AKT3: variants seen among roughly 807,000 people sequenced by gnomAD.
AKT3 encodes the protein RAC-gamma serine/threonine-protein kinase.
AKT3 carries 15 observed loss-of-function variants against 65.3 expected under a neutral mutation model. The observed-to-expected ratio is 0.23, with a 90% CI of 0.15 to 0.35. The LOEUF is 0.35. Among genes scored for constraint, AKT3 ranks in the 10% least tolerant of loss-of-function variants. The pLI, the probability that AKT3 is intolerant of heterozygous loss-of-function variation, is 1.00. For synonymous variants in AKT3, 206 were observed against 183.8 expected, an observed-to-expected ratio of 1.12 and a Z score of -0.98; for missense variants, 243 against 576.5, an observed-to-expected ratio of 0.42 and a Z score of 5.92.
At chr1:243,652,782 A>AAC (rs1216968591) in intron 4 of AKT3, among the ~76,000 whole-genome samples, 2 of 148,582 alleles carry the variant, frequency 1.3e-5, no homozygotes, top group Non-Finnish European at 3.0e-5. Flanking sequence ...AAAAAAAAAA[A>AAC]AAAAAAAAAA....
At chr1:243,570,341 T>C (rs897915735) in intron 9 of AKT3, among the ~76,000 whole-genome samples, 6 of 152,218 alleles carry the variant, frequency 3.9e-5, no homozygotes, top group Non-Finnish European at 7.3e-5. Flanking sequence ...AATCAGTTCA[T>C]GATAATGTTC....
intron 13 of AKT3, among the ~76,000 whole-genome samples, chr1:243,491,404 C>T (rs1268132694): frequency 1.3e-5 from 2 of 152,208 alleles, no homozygotes; most frequent in African/African-American, 4.8e-5. Flanking sequence ...ATCTCTAAAG[C>T]GGCCTTTCAG....
chr1:243,594,999 A>T (rs1676499227), intron 8 of AKT3, among the ~76,000 whole-genome samples: 1 of 152,250 alleles, frequency 6.6e-6, no homozygotes, highest in Admixed American at 6.5e-5. Flanking sequence ...ACAGACCTAT[A>T]CATGTAATAG....
chr1:243,766,613 CAA>C (rs900956808), intron 2 of AKT3, among the ~76,000 whole-genome samples: 4 of 152,100 alleles, frequency 2.6e-5, no homozygotes, highest in African/African-American at 9.7e-5. Context: ...CTCAGCCACT[CAA>C]GAGCTTGAAT....
chr1:243,753,737 C>G (rs1688954612), intron 2 of AKT3, among the ~76,000 whole-genome samples: 1 of 152,156 alleles, frequency 6.6e-6, no homozygotes, highest in Non-Finnish European at 1.5e-5. Flanking sequence ...TCTGCTATGT[C>G]AAACACAACT....
chr1:243,625,039 A>G, intron 6 of AKT3: 1 of 353,834 alleles, frequency 2.8e-6, no homozygotes, highest in Non-Finnish European at 5.9e-6. Flanking sequence ...TCCAGGTATT[A>G]CAGAAAGCCT....
At chr1:243,497,114 G>A (rs1026596839), downstream of AKT3, among the ~76,000 whole-genome samples, 2 of 152,194 alleles carry the variant, frequency 1.3e-5, no homozygotes, top group Admixed American at 1.3e-4. Context: ...TCACTGTGGT[G>A]TTGATGACAG....
intron 2 of AKT3, among the ~76,000 whole-genome samples, chr1:243,755,935 G>A (rs1306314608): frequency 6.6e-6 from 1 of 152,200 alleles, no homozygotes; most frequent in African/African-American, 2.4e-5. Context: ...GGGAAGCTAG[G>A]AGAAAAGGGT....
intron 2 of AKT3, among the ~76,000 whole-genome samples, chr1:243,787,309 T>G (rs574427474): frequency 1.1e-4 from 16 of 152,342 alleles, no homozygotes; most frequent in Middle Eastern, 3.4e-3. Flanking sequence ...ATGTTACCCA[T>G]GCACATTTTT....
chr1:243,850,264 C>CGGCCG (rs1255383543), upstream of AKT3: 9 of 132,888 alleles, frequency 6.8e-5, no homozygotes, highest in South Asian at 2.2e-4. Flanking sequence ...GGGAGGGAGC[C>CGGCCG]GGCCGGGCCG....
intron 2 of AKT3, among the ~76,000 whole-genome samples, chr1:243,751,548 AAG>A (rs1395610731): frequency 6.6e-6 from 1 of 152,072 alleles, no homozygotes; most frequent in African/African-American, 2.4e-5. Flanking sequence ...TAGTCTAGTG[AAG>A]AGAGAGTCAG....
At chr1:243,664,407 T>A (rs1572132490) in intron 4 of AKT3, among the ~76,000 whole-genome samples, 1 of 151,852 alleles carries the variant, frequency 6.6e-6, no homozygotes, top group Admixed American at 6.6e-5. Context: ...GGTTTCACCT[T>A]GTCAGCCAGG....
chr1:243,504,025 A>G lies in AKT3; in HGVS notation c.*1224T>C. 1 of 225,452 alleles carries G rather than the reference A, an allele frequency of 4.4e-6. No homozygotes were observed. Among genetic ancestry groups the G allele is most frequent in the Non-Finnish European group, 8.9e-6 (1 of 112,776 alleles). The allele number at this position is 225,452 out of a possible 1,614,324, so 14.0% of individuals were successfully genotyped here. On this transcript the variant is annotated 3_prime_UTR_variant, in exon 14 of 14. Coordinates refer to ENST00000673466, the MANE Select transcript of AKT3 (RefSeq NM_005465.7). The stretch of plus-strand genomic sequence containing the variant: ...CAGTACCAAGGGGTTAAATGGCAGC[A>G]TCTCTTCTCCCAAAGCCAAATTCTA...
chr1:243,554,611 C>A (rs981646020), intron 10 of AKT3, among the ~76,000 whole-genome samples: 4 of 152,088 alleles, frequency 2.6e-5, no homozygotes, highest in African/African-American at 7.2e-5. Flanking sequence ...TCAAGGATCT[C>A]GCTCATGGCC....
In AKT3 at chr1:243,715,681, C is replaced by T. The variant is rs183336719; in HGVS notation, c.47-19965G>A. 3.1e-4 allele frequency among the ~76,000 whole-genome samples: 47 copies of T among 151,482 alleles called. No homozygotes were observed. The East Asian group carries it at 6.6e-3, about 21-fold the overall frequency. On this transcript the variant is annotated intron_variant, in intron 2 of 13. Coordinates refer to ENST00000673466, the MANE Select transcript of AKT3 (RefSeq NM_005465.7). Reference sequence around the variant, plus strand: ...ATAATAACTCTTCTTGTTAAATAAACGAGGGAAAGAAAAAAAGTATTTTTA... The same window carrying T: ...ATAATAACTCTTCTTGTTAAATAAATGAGGGAAAGAAAAAAAGTATTTTTA...
intron 11 of AKT3, 66 bp from the exon 12 acceptor site, chr1:243,545,663 A>G (rs2148449499): frequency 8.5e-7 from 1 of 1,182,378 alleles, no homozygotes; most frequent in Non-Finnish European, 1.2e-6. Context: ...CATAACAAAA[A>G]ATATTTTGTG....
At chr1:243,583,540 C>CAAAAAAAAAAAAAAAAAAAAAAAA (rs1294857854) in intron 8 of AKT3, among the ~76,000 whole-genome samples, 1 of 30,004 alleles carries the variant, frequency 3.3e-5, no homozygotes, top group African/African-American at 1.0e-4. Context: ...AAGTAAGTCT[C>CAAAAAAAAAAAAAAAAAAAAAAAA]AAAAAAAAAA....
intron 2 of AKT3, among the ~76,000 whole-genome samples, chr1:243,745,437 A>T (rs1688423162): frequency 6.6e-6 from 1 of 152,228 alleles, no homozygotes; most frequent in Non-Finnish European, 1.5e-5. Context: ...TACTAAAAAC[A>T]TGTATGGATT....
At chr1:243,586,321 T>C (rs772985074) in intron 8 of AKT3, among the ~76,000 whole-genome samples, 2 of 150,026 alleles carry the variant, frequency 1.3e-5, no homozygotes, top group Non-Finnish European at 3.0e-5. Flanking sequence ...TCAGCCACTA[T>C]GGAAACCAAT....
Sources: allele counts gnomAD v4.1 joint callset (sites outside exome capture counted in the v4.1 genomes callset), GRCh38; gene constraint gnomAD v4.1.1; transcripts MANE v1.5; gene names NCBI Gene and HGNC (gene_info 2026-07-23, HGNC 2026-07-21).